Variants in TPRG1 observed in about 807,000 individuals in gnomAD.
TPRG1 encodes the protein tumor protein p63-regulated gene 1 protein.
Under a neutral mutation model 29.3 loss-of-function variants are expected in TPRG1, and 29 were observed. The ratio of observed to expected loss-of-function variants is 0.99; its 90% CI spans 0.74 to 1.35. TPRG1 has a LOEUF of 1.35. TPRG1 is among the 40% of genes most tolerant of loss of function. TPRG1 has a pLI of 0.00. For missense variants in TPRG1, 327 were observed against 335.0 expected (o/e 0.98, Z 0.19); for synonymous variants, 130 against 116.8 (o/e 1.11, Z -0.73).
Position 189,100,771 on chromosome 3 carries a change from T to C in TPRG1, c.-744+567T>C, listed in dbSNP as rs2152189908. ...GAGCTTGGATAGCCTTCTTGACCAG[T>C]TCAGACAGCGGTTGGCCCCACCAAG... On this transcript the variant is annotated intron_variant, in intron 1 of 6. Coordinates refer to the TPRG1 transcript ENST00000412373. Among the ~76,000 whole-genome samples the C allele has an allele frequency of 1.3e-5, 2 of 152,264 alleles. 1 individual carries two copies. The highest frequency in any genetic ancestry group is 4.2e-4 in the South Asian group (2 of 4,812).
chr3:189,061,405 C>T (rs1716093468), intron 4 of TPRG1, among the ~76,000 whole-genome samples: 1 of 152,038 alleles, frequency 6.6e-6, no homozygotes, highest in Non-Finnish European at 1.5e-5. Flanking sequence ...ACAAAAATGC[C>T]AAAAGCAATT....
chr3:189,274,980 A>T (rs1372983108), intron 4 of TPRG1, among the ~76,000 whole-genome samples: 1 of 116,124 alleles, frequency 8.6e-6, no homozygotes, highest in African/African-American at 3.5e-5. Context: ...GTGTGTGTGT[A>T]TGAAGTCATT....
At position 189,055,411 on chromosome 3, in the gene TPRG1, C is replaced by T. The variant is rs180998186; in HGVS notation, c.-463+31465C>T. The stretch of plus-strand genomic sequence containing the variant: ...TAGAAAAGGAGGCCAAGTCAGAGTA[C>T]GCTATCAACCAGAGGTCCGCAAGGG... On this transcript the variant is annotated intron_variant, in intron 4 of 10. Coordinates refer to the TPRG1 transcript ENST00000433971. 3.5e-3 allele frequency among the ~76,000 whole-genome samples: 534 copies of T among 152,222 alleles called. 1 individual carries two copies. The highest frequency in any genetic ancestry group is 6.8e-3 in the Middle Eastern group (2 of 294).
intron 4 of TPRG1, among the ~76,000 whole-genome samples, chr3:189,297,372 G>T (rs916468703): frequency 1.3e-5 from 2 of 152,174 alleles, no homozygotes; most frequent in Admixed American, 1.3e-4. Context: ...CATGCCCTAG[G>T]TGCATAGTTT....
intron 4 of TPRG1, among the ~76,000 whole-genome samples, chr3:189,083,187 C>A (rs1717717641): frequency 6.6e-6 from 1 of 152,106 alleles, no homozygotes; most frequent in South Asian, 2.1e-4. Context: ...AAGGGTGACA[C>A]TGAGCTGGGG....
upstream of TPRG1, among the ~76,000 whole-genome samples, chr3:189,098,807 A>G (rs1311031119): frequency 6.6e-6 from 1 of 152,170 alleles, no homozygotes; most frequent in African/African-American, 2.4e-5. Flanking sequence ...AAAATTCAAC[A>G]TGAAGTCTCT....
intron 1 of TPRG1, among the ~76,000 whole-genome samples, chr3:189,111,724 A>C (rs1720551654): frequency 6.6e-6 from 1 of 152,174 alleles, no homozygotes; most frequent in Non-Finnish European, 1.5e-5. Flanking sequence ...ACCTTTGCTA[A>C]AATCACTTAT....
chr3:189,179,419 C>T (rs567611924), intron 1 of TPRG1, among the ~76,000 whole-genome samples: 15 of 152,282 alleles, frequency 9.9e-5, no homozygotes, highest in African/African-American at 2.9e-4. Flanking sequence ...TGTCTTTCAG[C>T]CACAGATTGT....
chr3:189,284,345 TC>T (rs760619471), intron 4 of TPRG1, among the ~76,000 whole-genome samples: 1,422 of 111,848 alleles, frequency 0.013, 28 homozygotes, highest in East Asian at 0.056. Context: ...ATGCTATCCC[TC>T]CCCCCCCCTC....
chr3:189,316,952 C>T (rs1259058711), intron 5 of TPRG1, among the ~76,000 whole-genome samples: 1 of 152,126 alleles, frequency 6.6e-6, no homozygotes, highest in East Asian at 1.9e-4. Flanking sequence ...TGTCACCCTG[C>T]TTGTCTCTCT....
rs1257328904 is a variant in TPRG1, at chr3:189,323,427, G to C, written c.*2607G>C. 6.6e-6 allele frequency: 1 copy of C among 152,074 alleles called. No individual in the cohort carries two copies. Among genetic ancestry groups the C allele is most frequent in the Non-Finnish European group, 1.5e-5 (1 of 68,002 alleles). 9.4% of individuals were successfully genotyped at this position (152,074 alleles called of 1,614,324 possible). ...CTTTTGCTTATTTCATAAAGATCTT[G>C]TGAGGATTCAATGAAATGAGGTTAA... On this transcript the variant is annotated 3_prime_UTR_variant, in exon 6 of 6. Transcript: ENST00000345063.
chr3:189,030,359 C>G (rs551205265), intron 4 of TPRG1, among the ~76,000 whole-genome samples: 4 of 152,272 alleles, frequency 2.6e-5, no homozygotes, highest in African/African-American at 9.6e-5. Flanking sequence ...ACCTGGATGT[C>G]TTGGATTTTT....
intron 1 of TPRG1, among the ~76,000 whole-genome samples, chr3:189,195,578 G>A (rs886787977): frequency 3.3e-5 from 5 of 152,152 alleles, no homozygotes; most frequent in South Asian, 2.1e-4. Context: ...TGCAGTAGCC[G>A]TGTGGGCCAC....
Position 189,323,622 on chromosome 3 carries a change from T to C in TPRG1, c.*2802T>C, listed in dbSNP as rs538742772. 6.6e-6 allele frequency: 1 copy of C among 152,254 alleles called. No homozygotes were observed. Among genetic ancestry groups the C allele is most frequent in the East Asian group, 1.9e-4 (1 of 5,186 alleles). The allele number at this position is 152,254 out of a possible 1,614,324, so 9.4% of individuals were successfully genotyped here. ...CTCATTTTACACTTGGTGTTCTTAC[T>C]TGGGATCTTTGTCCTTAAGCTCAAC... is the stretch of plus-strand genomic sequence containing the variant. On this transcript the variant is annotated 3_prime_UTR_variant, in exon 6 of 6. Transcript: ENST00000345063.
At chr3:189,063,230 C>CA (rs577064165) in intron 4 of TPRG1, among the ~76,000 whole-genome samples, 196 of 151,854 alleles carry the variant, frequency 1.3e-3, no homozygotes, top group African/African-American at 4.7e-3. Context: ...ATGTACACAC[C>CA]AAAAAACAGA....
rs745858442 is a variant in TPRG1 at position 189,017,216 on chromosome 3, T to A, written c.-659-6534T>A. On this transcript the variant is annotated intron_variant, in intron 3 of 10. Coordinates refer to the TPRG1 transcript ENST00000433971. The stretch of plus-strand genomic sequence containing the variant: ...TGAGCTCTGAGATTCTTTTTTTTTT[T>A]ATTAAAATATATATTTTTTTATATT... Among the ~76,000 whole-genome samples, 890 of 133,546 alleles carry A rather than the reference T, an allele frequency of 6.7e-3. 6 individuals carry two copies. The highest frequency in any genetic ancestry group is 0.011 in the Non-Finnish European group (692 of 60,862). 87.6% of individuals were successfully genotyped at this position (133,546 alleles called of 152,430 possible).
At chr3:189,060,405 C>T (rs1250937840) in intron 4 of TPRG1, among the ~76,000 whole-genome samples, 1 of 152,120 alleles carries the variant, frequency 6.6e-6, no homozygotes, top group Admixed American at 6.5e-5. Flanking sequence ...CCCTCTCTCA[C>T]CACTCCTTTT....
At chr3:189,016,537 C>G (rs961746979) in intron 3 of TPRG1, among the ~76,000 whole-genome samples, 4 of 151,956 alleles carry the variant, frequency 2.6e-5, no homozygotes, top group Non-Finnish European at 5.9e-5. Flanking sequence ...ACATGAGATT[C>G]GGGAGGGGCT....
At chr3:189,242,019 C>T (rs569529096) in intron 4 of TPRG1, among the ~76,000 whole-genome samples, 2 of 152,100 alleles carry the variant, frequency 1.3e-5, no homozygotes, top group East Asian at 3.9e-4. Flanking sequence ...AAGCTTTCTC[C>T]ATACTATAAT....
Sources: gnomAD v4.1 joint callset for allele counts (sites outside exome capture counted in the v4.1 genomes callset) on GRCh38, gnomAD v4.1.1 for gene constraint, MANE v1.5 for transcripts, NCBI Gene and HGNC (gene_info 2026-07-23, HGNC 2026-07-21) for gene names.